The following SCHIP1 variants were observed in gnomAD, a reference collection of about 807,000 sequenced individuals.
The protein encoded by SCHIP1 is schwannomin interacting protein 1, also known as schwannomin-interacting protein 1.
A neutral mutation model predicts 29.7 loss-of-function variants in SCHIP1; 8 were observed. The ratio of observed to expected loss-of-function variants is 0.27; its 90% CI spans 0.16 to 0.49. SCHIP1 has a LOEUF of 0.49. SCHIP1 is among the 20% of genes least tolerant of loss of function. The pLI, the probability that SCHIP1 is intolerant of heterozygous loss-of-function variation, is 0.99. For missense variants in SCHIP1, 193 were observed against 294.6 expected (o/e 0.66, Z 2.52); for synonymous variants, 76 against 94.9 (o/e 0.80, Z 1.16).
At chr3:159,817,243 G>A in the SCHIP1 span, among the ~76,000 whole-genome samples, 1 of 152,118 alleles carries the variant, frequency 6.6e-6, no homozygotes, top group African/African-American at 2.4e-5. Flanking sequence ...TTCTTTTGCA[G>A]ACTAAGAATG....
chr3:159,867,483 C>G lies in SCHIP1; in HGVS notation c.149+1202C>G, dbSNP rs189586487. ...AAAGCAGAAAGCAGACACATGCTCACATATACACCTATTTGTGAGGCACTG... is the reference window on the plus strand; with the variant it reads ...AAAGCAGAAAGCAGACACATGCTCAGATATACACCTATTTGTGAGGCACTG... On this transcript the variant is annotated intron_variant, in intron 2 of 6. Coordinates refer to ENST00000445224, the Ensembl canonical transcript of SCHIP1. Among the ~76,000 whole-genome samples the G allele has an allele frequency of 2.0e-4, 30 of 152,328 alleles. No homozygotes were observed. The East Asian group carries it at 5.6e-3, about 28-fold the overall frequency.
chr3:159,280,850 C>T, the SCHIP1 span, among the ~76,000 whole-genome samples: 1 of 152,150 alleles, frequency 6.6e-6, no homozygotes, highest in East Asian at 1.9e-4. Context: ...GCCTATCTTC[C>T]AGTGTCCCAC....
chr3:159,657,739 C>A, the SCHIP1 span, among the ~76,000 whole-genome samples: 1 of 152,316 alleles, frequency 6.6e-6, no homozygotes, highest in East Asian at 1.9e-4. Context: ...TTAATAAGTG[C>A]CATCAATGGC....
chr3:159,887,824 C>T, exon 4 of SCHIP1: 1 of 1,613,976 alleles, frequency 6.2e-7, no homozygotes, highest in Non-Finnish European at 8.5e-7. Context: ...CCAAAATGGC[C>T]CTTGCCATGG....
chr3:159,477,047 A>G, the SCHIP1 span, among the ~76,000 whole-genome samples: 7 of 152,100 alleles, frequency 4.6e-5, no homozygotes, highest in African/African-American at 1.7e-4. Context: ...TGTGGGATTC[A>G]TCTCTTTGTG....
chr3:159,818,849 A>C, the SCHIP1 span, among the ~76,000 whole-genome samples: 1 of 152,170 alleles, frequency 6.6e-6, no homozygotes, highest in Non-Finnish European at 1.5e-5. Context: ...CCAAGTTCTT[A>C]ATTTTAATTG....
chr3:159,713,241 A>G, the SCHIP1 span, among the ~76,000 whole-genome samples: 180 of 88,052 alleles, frequency 2.0e-3, no homozygotes, highest in East Asian at 0.017. Flanking sequence ...AGGAAGAAAG[A>G]AAGAAAGAAA....
intron 2 of SCHIP1, among the ~76,000 whole-genome samples, chr3:159,870,647 T>C (rs1715159458): frequency 6.6e-6 from 1 of 152,026 alleles, no homozygotes; most frequent in Non-Finnish European, 1.5e-5. Flanking sequence ...CAGATACTAA[T>C]ATTATAAATA....
chr3:159,662,672 A>G, the SCHIP1 span, among the ~76,000 whole-genome samples: 1 of 152,242 alleles, frequency 6.6e-6, no homozygotes, highest in East Asian at 1.9e-4. Flanking sequence ...TCAAAGGGGT[A>G]TATAATCAAA....
At chr3:159,594,563 T>G in the SCHIP1 span, among the ~76,000 whole-genome samples, 1 of 152,178 alleles carries the variant, frequency 6.6e-6, no homozygotes, top group African/African-American at 2.4e-5. Context: ...TATCCAGGGT[T>G]CTGTACCCAT....
the SCHIP1 span, among the ~76,000 whole-genome samples, chr3:159,509,002 A>T: frequency 1.5e-4 from 23 of 152,304 alleles, no homozygotes; most frequent in South Asian, 3.7e-3. Context: ...TGCAGAGCTG[A>T]GTTCAATTCC....
chr3:159,496,391 C>T, the SCHIP1 span, among the ~76,000 whole-genome samples: 1 of 152,106 alleles, frequency 6.6e-6, no homozygotes, highest in Admixed American at 6.6e-5. Context: ...CTACAATGAA[C>T]TCAAACAAAT....
chr3:159,721,329 C>G, the SCHIP1 span, among the ~76,000 whole-genome samples: 4 of 152,156 alleles, frequency 2.6e-5, no homozygotes, highest in Non-Finnish European at 5.9e-5. Flanking sequence ...AATAGGAAAT[C>G]TATGCACTGC....
the SCHIP1 span, among the ~76,000 whole-genome samples, chr3:159,708,085 A>C: frequency 6.6e-6 from 1 of 152,192 alleles, no homozygotes; most frequent in African/African-American, 2.4e-5. Context: ...CTAGGCTAGA[A>C]CAGTGCCTGA....
At chr3:159,617,227 C>G in the SCHIP1 span, among the ~76,000 whole-genome samples, 2 of 152,086 alleles carry the variant, frequency 1.3e-5, no homozygotes, top group Non-Finnish European at 2.9e-5. Context: ...GAAAGAGACC[C>G]CAGAGTATGG....
At chr3:159,550,187 G>A in the SCHIP1 span, among the ~76,000 whole-genome samples, 1 of 131,336 alleles carries the variant, frequency 7.6e-6, no homozygotes, top group African/African-American at 2.7e-5. Context: ...CCAACCTGCT[G>A]AAATGTACTT....
the SCHIP1 span, among the ~76,000 whole-genome samples, chr3:159,508,166 G>T: frequency 1.3e-5 from 2 of 152,170 alleles, no homozygotes; most frequent in Admixed American, 6.5e-5. Context: ...TCTAATCAGA[G>T]ATTCAACTTC....
chr3:159,680,649 TA>T, the SCHIP1 span, among the ~76,000 whole-genome samples: 1 of 56,686 alleles, frequency 1.8e-5, no homozygotes, highest in Non-Finnish European at 3.4e-5. Context: ...TTATATAATA[TA>T]TGTATATATA....
At chr3:159,428,407 AAAG>A in the SCHIP1 span, among the ~76,000 whole-genome samples, 1 of 152,132 alleles carries the variant, frequency 6.6e-6, no homozygotes, top group East Asian at 1.9e-4. Flanking sequence ...ACATTTCTCA[AAAG>A]AAGACATTAA....
Sources: allele counts gnomAD v4.1 joint callset (sites outside exome capture counted in the v4.1 genomes callset), GRCh38; gene constraint gnomAD v4.1.1; transcripts MANE v1.5; gene names NCBI Gene and HGNC (gene_info 2026-07-23, HGNC 2026-07-21).